NIPAL2: variants seen among roughly 807,000 people sequenced by gnomAD.
NIPAL2 encodes NIPA-like protein 2.
Under a neutral mutation model 48.9 loss-of-function variants are expected in NIPAL2, and 43 were observed. The ratio of observed to expected loss-of-function variants is 0.88; its 90% CI spans 0.69 to 1.13. NIPAL2 has a LOEUF of 1.13. Among genes scored for constraint, NIPAL2 ranks in the 50% most tolerant of loss-of-function variants. The probability of loss-of-function intolerance (pLI) is 0.00; values close to 1 mark genes in which losing one functional copy is unlikely to be tolerated. For synonymous variants in NIPAL2, 167 were observed against 174.6 expected (o/e 0.96, Z 0.34); for missense variants, 446 against 461.4 (o/e 0.97, Z 0.31).
intron 1 of NIPAL2, among the ~76,000 whole-genome samples, chr8:98,270,349 G>GT (rs950087166): frequency 2.6e-5 from 4 of 152,058 alleles, no homozygotes; most frequent in South Asian, 4.2e-4. Flanking sequence ...AGCATCTGTT[G>GT]TTTTTTTACT....
At chr8:98,272,447 CT>C (rs2130880977) in intron 1 of NIPAL2, among the ~76,000 whole-genome samples, 1 of 152,164 alleles carries the variant, frequency 6.6e-6, no homozygotes, top group South Asian at 2.1e-4. Flanking sequence ...TACCAGTTAA[CT>C]TGTTTAATTT....
At position 98,238,355 on chromosome 8, in the gene NIPAL2, T is replaced by G. The variant is rs1223434547; in HGVS notation, c.377-2141A>C. Among the ~76,000 whole-genome samples the G allele has an allele frequency of 3.3e-5, 5 of 152,254 alleles. No homozygotes were observed. In the East Asian group the frequency reaches 7.7e-4, roughly 23 times the overall value. ...TGCAGTTAATATATTGGTGTTTTTA[T>G]TTCCCTTCAGTTGAGATCAAACTTT... On this transcript the variant is annotated intron_variant, in intron 3 of 10. Transcript: ENST00000430223.
At chr8:98,289,055 G>A (rs1047683876) in intron 1 of NIPAL2, among the ~76,000 whole-genome samples, 1 of 152,026 alleles carries the variant, frequency 6.6e-6, no homozygotes, top group Admixed American at 6.6e-5. Flanking sequence ...TAATCTATAG[G>A]TCATCCAACT....
At chr8:98,278,933 G>A (rs1015612620) in intron 1 of NIPAL2, among the ~76,000 whole-genome samples, 4 of 152,116 alleles carry the variant, frequency 2.6e-5, no homozygotes, top group Non-Finnish European at 5.9e-5. Context: ...TAAAAGTGTA[G>A]TAAAAAGCTA....
intron 1 of NIPAL2, among the ~76,000 whole-genome samples, chr8:98,270,518 A>C (rs917474994): frequency 6.6e-6 from 1 of 152,102 alleles, no homozygotes; most frequent in Admixed American, 6.6e-5. Context: ...CTCACTTTTC[A>C]ATGGGATTAT....
chr8:98,229,527 C>A (rs1017238951), intron 4 of NIPAL2, among the ~76,000 whole-genome samples: 1 of 152,106 alleles, frequency 6.6e-6, no homozygotes, highest in Admixed American at 6.5e-5. Context: ...CATGTGCCAC[C>A]ATGACTGGCT....
At chr8:98,289,314 A>G (rs1347982976) in intron 1 of NIPAL2, among the ~76,000 whole-genome samples, 1 of 152,092 alleles carries the variant, frequency 6.6e-6, no homozygotes, top group Non-Finnish European at 1.5e-5. Flanking sequence ...TATTATAACT[A>G]TGTAGCATGA....
rs796132853 is a variant in NIPAL2 at position 98,208,603 on chromosome 8, C to T, written c.656-3357G>A. On this transcript the variant is annotated intron_variant, in intron 6 of 10. Transcript: ENST00000430223. ...AGCTGAGATTACAGGCACCCACAACCACACCTGGCTAATTTTTGTATTTTT... is the reference window on the plus strand; with the variant it reads ...AGCTGAGATTACAGGCACCCACAACTACACCTGGCTAATTTTTGTATTTTT... 4.6e-5 allele frequency among the ~76,000 whole-genome samples: 7 copies of T among 152,248 alleles called. 1 individual carries two copies. Among genetic ancestry groups the T allele is most frequent in the African/African-American group, 1.7e-4 (7 of 41,542 alleles).
At chr8:98,286,401 G>A (rs1198671991) in intron 1 of NIPAL2, among the ~76,000 whole-genome samples, 2 of 152,174 alleles carry the variant, frequency 1.3e-5, no homozygotes, top group African/African-American at 4.8e-5. Context: ...AAGAAGTCAT[G>A]TTGGGGCAAA....
At chr8:98,252,980 G>T (rs1813677120) in intron 2 of NIPAL2, among the ~76,000 whole-genome samples, 2 of 152,004 alleles carry the variant, frequency 1.3e-5, no homozygotes, top group South Asian at 2.1e-4. Flanking sequence ...GAAATCTCTT[G>T]CTGTCCTGCT....
At chr8:98,212,322 A>C in intron 6 of NIPAL2, 83 bp downstream of exon 6, 1 of 712,744 alleles carries the variant, frequency 1.4e-6, no homozygotes, top group Non-Finnish European at 2.4e-6. Flanking sequence ...AAAGGAGTAG[A>C]ATGCTTAAGT....
At chr8:98,263,466 A>G (rs1442924080) in intron 1 of NIPAL2, among the ~76,000 whole-genome samples, 1 of 149,382 alleles carries the variant, frequency 6.7e-6, no homozygotes, top group Admixed American at 6.7e-5. Context: ...GATCCCACAG[A>G]AATACAAACT....
intron 1 of NIPAL2, among the ~76,000 whole-genome samples, chr8:98,266,181 T>C (rs1193461217): frequency 1.3e-5 from 2 of 148,470 alleles, no homozygotes; most frequent in African/African-American, 5.0e-5. Context: ...TGCCTAATGC[T>C]AGATGGCAAC....
intron 3 of NIPAL2, among the ~76,000 whole-genome samples, chr8:98,243,758 T>C (rs2130808191): frequency 6.6e-6 from 1 of 152,254 alleles, no homozygotes; most frequent in South Asian, 2.1e-4. Flanking sequence ...GTTAGCAATT[T>C]AGCTCAAGGG....
chr8:98,259,284 C>A (rs1187843439), intron 1 of NIPAL2, among the ~76,000 whole-genome samples: 2 of 151,302 alleles, frequency 1.3e-5, no homozygotes, highest in South Asian at 2.1e-4. Flanking sequence ...ACCGTGTTAG[C>A]CAGGATGGTC....
intron 10 of NIPAL2, 165 bp from the exon 11 acceptor site, chr8:98,193,255 G>T: frequency 1.8e-6 from 2 of 1,137,364 alleles, no homozygotes; most frequent in Non-Finnish European, 2.6e-6. Flanking sequence ...CCCTTGAAAC[G>T]CCATGTCTGT....
In NIPAL2 at chr8:98,205,153, A is replaced by G. The variant is rs1810967741; in HGVS notation, c.749T>C (p.Ile250Thr). 1 of 1,613,780 alleles carries G rather than the reference A, an allele frequency of 6.2e-7. No individual in the cohort carries two copies. The highest frequency in any genetic ancestry group is 8.5e-7 in the Non-Finnish European group (1 of 1,179,840). Residue 250 changes from isoleucine (I) to threonine (T), a missense_variant, in exon 7 of 11, where the codon ATC (isoleucine) becomes ACC (threonine). Physicochemically the swap from Ile to Thr is moderately conservative, Grantham distance 89. Transcript: ENST00000430223. ...AGATGCTATCATGATGATAAACATG[A>G]TATAGAAAATGGGGTAAGTTAGTTG... The part of the protein sequence containing the change: ...KMQLTYPIFY[I>T]MFIIMIASCV...
intron 1 of NIPAL2, among the ~76,000 whole-genome samples, chr8:98,260,962 TC>T (rs1192932385): frequency 6.6e-6 from 1 of 152,112 alleles, no homozygotes; most frequent in Non-Finnish European, 1.5e-5. Context: ...CTCAAGTGGG[TC>T]CCTGACCCCT....
At chr8:98,242,773 C>T (rs892484390) in intron 3 of NIPAL2, among the ~76,000 whole-genome samples, 45 of 152,078 alleles carry the variant, frequency 3.0e-4, no homozygotes, top group Admixed American at 2.9e-3. Flanking sequence ...AGTGAGCCAC[C>T]GCGCCCGGTC....
Sources: gnomAD v4.1 joint callset for allele counts (sites outside exome capture counted in the v4.1 genomes callset) on GRCh38, gnomAD v4.1.1 for gene constraint, MANE v1.5 for transcripts, NCBI Gene and HGNC (gene_info 2026-07-23, HGNC 2026-07-21) for gene names.